The following NRCAM variants were observed in gnomAD, a reference collection of about 807,000 sequenced individuals.
The protein encoded by NRCAM is neuronal cell adhesion molecule.
A neutral mutation model predicts 156.5 loss-of-function variants in NRCAM; 83 were observed. The observed-to-expected ratio is 0.53, with a 90% CI of 0.44 to 0.64. The LOEUF (loss-of-function observed/expected upper bound fraction) is 0.64. Ranked by LOEUF, NRCAM falls within the 30% of genes least tolerant of loss-of-function variation. NRCAM has a pLI of 0.00. For missense variants in NRCAM, 1,417 were observed against 1,597.3 expected, an observed-to-expected ratio of 0.89 and a Z score of 1.92; for synonymous variants, 538 against 563.9, an observed-to-expected ratio of 0.95 and a Z score of 0.65.
intron 30 of NRCAM, 67 bp from the exon 31 acceptor site, chr7:108,160,559 C>CA: frequency 6.8e-7 from 1 of 1,478,526 alleles, no homozygotes. Context: ...TGCAGTCTCT[C>CA]AGAGTAAAAA....
At chr7:108,372,533 G>A (rs888343043) in intron 2 of NRCAM, among the ~76,000 whole-genome samples, 1 of 151,616 alleles carries the variant, frequency 6.6e-6, no homozygotes, top group Non-Finnish European at 1.5e-5. Context: ...TTTAAAATGG[G>A]CTAAGGACTT....
At chr7:108,404,058 C>T (rs769847865) in intron 1 of NRCAM, among the ~76,000 whole-genome samples, 1 of 152,162 alleles carries the variant, frequency 6.6e-6, no homozygotes, top group African/African-American at 2.4e-5. Flanking sequence ...GTCAGTATGC[C>T]TGCCCAGAGC....
chr7:108,449,793 T>C (rs988900180), intron 1 of NRCAM, among the ~76,000 whole-genome samples: 1 of 152,148 alleles, frequency 6.6e-6, no homozygotes, highest in African/African-American at 2.4e-5. Context: ...TGAATACTCA[T>C]ACTGAATTTT....
rs2082943046 is a variant in NRCAM at position 108,209,592 on chromosome 7, T to C, written c.904A>G (p.Ile302Val). ...CIAEGLPTPI[I>V]YWAKEDGMLP... ...ATTCCATCTTCCTTTGCCCAGTAAA[T>C]AATTGGGGTAGGCCTGATAGGATAA... The change falls in exon 12 of 33, where the codon ATT becomes GTT. Residue 302 changes from isoleucine (I) to valine (V), a missense_variant. Ile to Val is a conservative substitution (Grantham distance 29). Transcript: ENST00000379028. 1 of 1,607,924 alleles carries C rather than the reference T, an allele frequency of 6.2e-7. No homozygotes were observed. The highest frequency in any genetic ancestry group is 1.3e-5 in the African/African-American group (1 of 74,704).
At chr7:108,184,212 C>T (rs1319902544) in intron 22 of NRCAM, 29 bp downstream of exon 22, 8 of 1,569,904 alleles carry the variant, frequency 5.1e-6, no homozygotes, top group African/African-American at 2.7e-5. Context: ...TAAAAAATAG[C>T]GAATAAATTT....
chr7:108,366,185 G>T (rs2154332640), intron 2 of NRCAM, among the ~76,000 whole-genome samples: 1 of 152,272 alleles, frequency 6.6e-6, no homozygotes, highest in Admixed American at 6.5e-5. Context: ...GGAACTATGA[G>T]AAATAAATTT....
rs2071207669 is a variant in NRCAM at position 108,191,193 on chromosome 7, C to T, written c.1933+61G>A. 5 of 1,380,076 alleles carry T rather than the reference C, an allele frequency of 3.6e-6. No individual in the cohort carries two copies. The South Asian group carries it at 6.5e-5, about 18-fold the overall frequency. The allele number at this position is 1,380,076 out of a possible 1,614,324, so 85.5% of individuals were successfully genotyped here. A position where few individuals can be genotyped will look rare whatever the true frequency, so the allele number is the denominator to read the frequency against. The stretch of plus-strand genomic sequence containing the variant: ...GACATAGAAAAGAAAGTTATGAATA[C>T]TTTCTGCAAATGTGAAATTGTTTGA... On this transcript the variant is annotated intron_variant, in intron 19 of 32. Coordinates refer to ENST00000379028, the MANE Select transcript of NRCAM (RefSeq NM_001037132.4).
At chr7:108,444,177 A>C (rs920080650) in intron 1 of NRCAM, among the ~76,000 whole-genome samples, 1 of 152,210 alleles carries the variant, frequency 6.6e-6, no homozygotes, top group Non-Finnish European at 1.5e-5. Context: ...TCTAGAGATG[A>C]TTTTAAGTAT....
intron 11 of NRCAM, 22 bp from the exon 12 acceptor site, chr7:108,209,627 G>A (rs541188706): frequency 6.5e-7 from 1 of 1,536,416 alleles, no homozygotes; most frequent in South Asian, 1.3e-5. Flanking sequence ...AATAAATAAT[G>A]ATGTTACAAA....
chr7:108,167,407 A>C (rs1401198962), intron 29 of NRCAM, among the ~76,000 whole-genome samples: 2 of 152,236 alleles, frequency 1.3e-5, no homozygotes, highest in Non-Finnish European at 2.9e-5. Flanking sequence ...GATGTTTCTC[A>C]AAAGAACTGA....
rs2154346746 is a variant in NRCAM at position 108,374,183 on chromosome 7, G to C, written c.-174+25253C>G. 2.0e-5 allele frequency among the ~76,000 whole-genome samples: 3 copies of C among 152,244 alleles called. 1 individual carries two copies. In the Middle Eastern group the frequency reaches 0.01, roughly 518 times the overall value. ...TGAGAGTAAGCAGTCTTAATGACTA[G>C]TAACTAGGGCTCTGAAGCTAGAAGA... On this transcript the variant is annotated intron_variant, in intron 2 of 32. Transcript: ENST00000379028.
chr7:108,276,153 T>C (rs1179550706), intron 3 of NRCAM, among the ~76,000 whole-genome samples: 1 of 152,178 alleles, frequency 6.6e-6, no homozygotes, highest in African/African-American at 2.4e-5. Flanking sequence ...TTACTTCCAA[T>C]TACGTGGTCA....
intron 2 of NRCAM, among the ~76,000 whole-genome samples, chr7:108,318,916 A>G (rs1342770534): frequency 1.3e-5 from 2 of 152,224 alleles, no homozygotes; most frequent in African/African-American, 4.8e-5. Flanking sequence ...TATATTTTAC[A>G]AATCAGACTT....
At chr7:108,229,616 GC>G (rs2094020161) in intron 8 of NRCAM, among the ~76,000 whole-genome samples, 1 of 152,078 alleles carries the variant, frequency 6.6e-6, no homozygotes, top group Non-Finnish European at 1.5e-5. Flanking sequence ...CTCTCATCTA[GC>G]CCAGGCCTCT....
chr7:108,299,873 G>C (rs1361301556), intron 3 of NRCAM, among the ~76,000 whole-genome samples: 2 of 152,172 alleles, frequency 1.3e-5, no homozygotes, highest in African/African-American at 2.4e-5. Flanking sequence ...TTGAAGCCCT[G>C]CTCTACGGTT....
intron 28 of NRCAM, among the ~76,000 whole-genome samples, chr7:108,170,774 G>C (rs375939523): frequency 6.6e-6 from 1 of 152,072 alleles, no homozygotes; most frequent in African/African-American, 2.4e-5. Context: ...TCAGATTTTC[G>C]GGGTTCACAT....
chr7:108,287,072 C>T (rs1474050670), intron 3 of NRCAM, among the ~76,000 whole-genome samples: 2 of 151,890 alleles, frequency 1.3e-5, no homozygotes, highest in African/African-American at 4.8e-5. Context: ...ATACTGGACC[C>T]CTATTTCTTA....
rs147740227 is a variant in NRCAM, at chr7:108,205,753, T to A, written c.1207+1775A>T. ...AAAATCATACATTGTACCAGCTAATTTTTTGTTGATTTTTTTGTAGAAGCA... is the reference window on the plus strand; with the variant it reads ...AAAATCATACATTGTACCAGCTAATATTTTGTTGATTTTTTTGTAGAAGCA... On this transcript the variant is annotated intron_variant, in intron 13 of 32. Coordinates refer to ENST00000379028, the MANE Select transcript of NRCAM (RefSeq NM_001037132.4). Among the ~76,000 whole-genome samples the A allele has an allele frequency of 2.4e-3, 365 of 152,278 alleles. 1 individual carries two copies. The highest frequency in any genetic ancestry group is 8.4e-3 in the African/African-American group (348 of 41,558).
At chr7:108,389,729 C>G (rs552907305) in intron 2 of NRCAM, among the ~76,000 whole-genome samples, 1 of 152,234 alleles carries the variant, frequency 6.6e-6, no homozygotes, top group East Asian at 1.9e-4. Context: ...AGATATGTCC[C>G]AACAATATCT....
Sources: allele counts gnomAD v4.1 joint callset (sites outside exome capture counted in the v4.1 genomes callset), GRCh38; gene constraint gnomAD v4.1.1; transcripts MANE v1.5; gene names NCBI Gene and HGNC (gene_info 2026-07-23, HGNC 2026-07-21).